The following MYH10 variants were observed in gnomAD, a reference collection of about 807,000 sequenced individuals.
The protein encoded by MYH10 is myosin heavy chain 10, also known as myosin-10.
MYH10 carries 55 observed loss-of-function variants against 257.8 expected under a neutral mutation model. The ratio of observed to expected loss-of-function variants is 0.21; its 90% CI spans 0.17 to 0.27. The LOEUF is 0.27. Among genes scored for constraint, MYH10 ranks in the 10% least tolerant of loss-of-function variants. The pLI is 1.00. For missense variants in MYH10, 1,631 were observed against 2,500.6 expected (o/e 0.65, Z 7.42); for synonymous variants, 854 against 921.7 (o/e 0.93, Z 1.33).
intron 2 of MYH10, among the ~76,000 whole-genome samples, chr17:8,617,595 C>T (rs2085316755): frequency 6.6e-6 from 1 of 152,162 alleles, no homozygotes; most frequent in East Asian, 1.9e-4. Context: ...CATATCCTAT[C>T]ATCCAGGAAT....
intron 36 of MYH10, among the ~76,000 whole-genome samples, chr17:8,487,187 TCGCCACAGGC>T (rs1433586274): frequency 6.6e-6 from 1 of 152,202 alleles, no homozygotes; most frequent in African/African-American, 2.4e-5. Flanking sequence ...GTTTTAAGCA[TCGCCACAGGC>T]TCTCAGGGCC....
chr17:8,571,054 C>A (rs1390155476), intron 6 of MYH10, among the ~76,000 whole-genome samples: 1 of 152,196 alleles, frequency 6.6e-6, no homozygotes, highest in African/African-American at 2.4e-5. Flanking sequence ...CCTCAAGCTA[C>A]GTGGATGTCA....
At chr17:8,561,904 T>C (rs1445463897) in intron 7 of MYH10, among the ~76,000 whole-genome samples, 1 of 152,064 alleles carries the variant, frequency 6.6e-6, no homozygotes, top group African/African-American at 2.4e-5. Flanking sequence ...AAAGAAGAGA[T>C]GCATGGAGAA....
intron 4 of MYH10, among the ~76,000 whole-genome samples, chr17:8,581,940 T>C (rs967003256): frequency 2.0e-5 from 3 of 152,196 alleles, no homozygotes; most frequent in Admixed American, 1.3e-4. Context: ...GTTACTCAGT[T>C]CTCTGAGGCT....
At chr17:8,482,646 T>C (rs1914034724) in intron 37 of MYH10, among the ~76,000 whole-genome samples, 1 of 151,334 alleles carries the variant, frequency 6.6e-6, no homozygotes, top group Admixed American at 6.6e-5. Flanking sequence ...TGAACGGAGG[T>C]GTTTGAGGGA....
Position 8,513,530 on chromosome 17 carries a change from G to C in MYH10, c.2745+8C>G. 1 of 1,613,720 alleles carries C rather than the reference G, an allele frequency of 6.2e-7. No homozygotes were observed. Among genetic ancestry groups the C allele is most frequent in the Non-Finnish European group, 8.5e-7 (1 of 1,179,854 alleles). On this transcript the variant is annotated splice_region_variant and intron_variant, in intron 23 of 42. Transcript: ENST00000360416. The stretch of plus-strand genomic sequence containing the variant: ...GCCAAGTGTGAGTTACAAGGTCACT[G>C]CACACACCTGCTGGTGCTTCCGCTC...
At position 8,535,102 on chromosome 17, in the gene MYH10, G is replaced by T. The variant is rs1033176939; in HGVS notation, c.1894+285C>A. Among the ~76,000 whole-genome samples the T allele has an allele frequency of 6.6e-6, 1 of 152,174 alleles. No homozygotes were observed. Among genetic ancestry groups the T allele is most frequent in the Non-Finnish European group, 1.5e-5 (1 of 68,042 alleles). On this transcript the variant is annotated intron_variant, in intron 16 of 42. Transcript: ENST00000360416. The surrounding 1 kb of genome is among the most constrained non-coding windows in gnomAD (Gnocchi z 4.3). ...CCTGGATTACAACTGACTTGGGACT[G>T]TGGTGGCCTAAGTCATACGTGTACG...
At chr17:8,496,777 T>C (rs145827487) in intron 30 of MYH10, among the ~76,000 whole-genome samples, 148 of 152,358 alleles carry the variant, frequency 9.7e-4, no homozygotes, top group African/African-American at 3.2e-3. Flanking sequence ...GACCTTTGGC[T>C]GGTGTGTGGG....
At chr17:8,584,313 A>G (rs2083817624) in intron 4 of MYH10, among the ~76,000 whole-genome samples, 1 of 152,230 alleles carries the variant, frequency 6.6e-6, no homozygotes, top group South Asian at 2.1e-4. Context: ...AGAATAAATG[A>G]CTGAAAAAGT....
At chr17:8,493,611 C>T (rs1423485890) in intron 32 of MYH10, 122 bp downstream of exon 32, 3 of 1,174,030 alleles carry the variant, frequency 2.6e-6, no homozygotes, top group South Asian at 1.7e-5. Flanking sequence ...ATTTAATGGG[C>T]TTAATTTAGT....
chr17:8,484,111 G>A, intron 37 of MYH10, 27 bp downstream of exon 37: 1 of 1,390,092 alleles, frequency 7.2e-7, no homozygotes, highest in African/African-American at 2.6e-5. Context: ...TATATTTGTT[G>A]AACAAATGGA....
intron 10 of MYH10, 67 bp downstream of exon 10, chr17:8,548,577 G>A (rs1415946824): frequency 6.5e-7 from 1 of 1,544,274 alleles, no homozygotes; most frequent in Non-Finnish European, 8.8e-7. Flanking sequence ...TCTAGTTTAG[G>A]TGATTTACCC....
At chr17:8,494,171 C>G (rs1469287565) in intron 31 of MYH10, among the ~76,000 whole-genome samples, 1 of 152,120 alleles carries the variant, frequency 6.6e-6, no homozygotes, top group Non-Finnish European at 1.5e-5. Context: ...CTCCTGCGTC[C>G]CCCACCACAC....
intron 29 of MYH10, among the ~76,000 whole-genome samples, 200 bp from the exon 30 acceptor site, chr17:8,499,676 C>G (rs892896121): frequency 6.6e-6 from 1 of 152,100 alleles, no homozygotes; most frequent in South Asian, 2.1e-4. Flanking sequence ...CACACTGCTC[C>G]GAGGAGCAGA....
At chr17:8,619,177 G>A (rs969377678) in intron 2 of MYH10, among the ~76,000 whole-genome samples, 14 of 152,162 alleles carry the variant, frequency 9.2e-5, no homozygotes, top group African/African-American at 3.4e-4. Flanking sequence ...AAAAAGATGT[G>A]TTCTCAAAGG....
Position 8,495,192 on chromosome 17 carries a change from C to A in MYH10, c.4001G>T (p.Gly1334Val), listed in dbSNP as rs1198412081. The change falls in exon 31 of 43, where the codon GGT (glycine) becomes GTT (valine). Residue 1334 changes from glycine (G) to valine (V), a missense_variant. Physicochemically the swap from Gly to Val is moderately radical, Grantham distance 109. Around this residue, in one of 11 missense-constraint regions of MYH10, gnomAD observed 463 missense variants for 621.8 expected, o/e 0.74. Transcript: ENST00000360416. ...AGCTGCATCCTTAGCAAATTTAATA[C>A]CCTTCTTCTCTGCTTCTTCCAGAAG... ...STLLEEAEKK[G>V]IKFAKDAASL... 1.2e-6 allele frequency: 2 copies of A among 1,613,608 alleles called. No homozygotes were observed. Among genetic ancestry groups the A allele is most frequent in the East Asian group, 2.2e-5 (1 of 44,876 alleles).
chr17:8,522,349 G>A (rs1414231182), intron 17 of MYH10, among the ~76,000 whole-genome samples: 2 of 152,146 alleles, frequency 1.3e-5, no homozygotes, highest in Non-Finnish European at 2.9e-5. Context: ...CCAAGACCCC[G>A]GGAGGTAAAA....
chr17:8,523,780 T>C (rs976021074), intron 17 of MYH10, among the ~76,000 whole-genome samples: 2 of 152,140 alleles, frequency 1.3e-5, no homozygotes, highest in Non-Finnish European at 2.9e-5. Context: ...ACAGGTATTT[T>C]AGTGGGAGGA....
Position 8,512,602 on chromosome 17 carries a change from A to G in MYH10, c.2801T>C (p.Phe934Ser). The G allele has an allele frequency of 2.5e-6, 4 of 1,613,438 alleles. No individual in the cohort carries two copies. The highest frequency in any genetic ancestry group is 3.4e-6 in the Non-Finnish European group (4 of 1,179,964). ...AEQLQAETEL[F>S]AEAEEMRARL... Reference sequence around the variant, plus strand: ...TGCCCTCATCTCTTCTGCTTCAGCAAAGAGCTCAGTCTCTGCTTGTAGTTG... The same window carrying G: ...TGCCCTCATCTCTTCTGCTTCAGCAGAGAGCTCAGTCTCTGCTTGTAGTTG... Residue 934 changes from phenylalanine (F) to serine (S), a missense_variant, in exon 24 of 43, where the codon TTT (phenylalanine) becomes TCT (serine). Physicochemically the swap from Phe to Ser is radical, Grantham distance 155 (BLOSUM62 -2). Around this residue, in one of 11 missense-constraint regions of MYH10, gnomAD observed 116 missense variants for 221.6 expected, o/e 0.52. Coordinates refer to ENST00000360416, the MANE Select transcript of MYH10 (RefSeq NM_001256012.3).
Sources: allele counts gnomAD v4.1 joint callset (sites outside exome capture counted in the v4.1 genomes callset), GRCh38; gene constraint gnomAD v4.1.1; regional missense constraint gnomAD v4.1.1; non-coding constraint Gnocchi (gnomAD v3.1); transcripts MANE v1.5; gene names NCBI Gene and HGNC (gene_info 2026-07-23, HGNC 2026-07-21).